Variants in LRFN2 observed in about 807,000 individuals in gnomAD.
LRFN2 encodes the protein leucine rich repeat and fibronectin type III domain containing 2, also known as leucine-rich repeat and fibronectin type-III domain-containing protein 2.
A neutral mutation model predicts 37.3 loss-of-function variants in LRFN2; 18 were observed. That is an observed-to-expected ratio of 0.48 (90% CI 0.33 to 0.72). The LOEUF (loss-of-function observed/expected upper bound fraction) is 0.72, where lower values mean the gene tolerates loss of function less well. Among genes scored for constraint, LRFN2 ranks in the 30% least tolerant of loss-of-function variants. LRFN2 has a pLI of 0.02. For synonymous variants in LRFN2, 556 were observed against 466.6 expected, an observed-to-expected ratio of 1.19 and a Z score of -2.47; for missense variants, 1,006 against 1,060.7, an observed-to-expected ratio of 0.95 and a Z score of 0.72.
At chr6:40,417,103 A>T (rs558388141) in intron 2 of LRFN2, among the ~76,000 whole-genome samples, 115 of 152,246 alleles carry the variant, frequency 7.6e-4, no homozygotes, top group Middle Eastern at 3.4e-3. Flanking sequence ...AAGCCAACCC[A>T]GGAATCTTCA....
intron 2 of LRFN2, among the ~76,000 whole-genome samples, chr6:40,401,608 A>C (rs1383229817): frequency 1.3e-5 from 2 of 152,162 alleles, no homozygotes; most frequent in African/African-American, 4.8e-5. Flanking sequence ...ACAGACACCC[A>C]CAGGTTAGAT....
At chr6:40,460,239 A>G (rs960347560) in intron 1 of LRFN2, among the ~76,000 whole-genome samples, 4 of 152,192 alleles carry the variant, frequency 2.6e-5, no homozygotes, top group East Asian at 3.9e-4. Context: ...TAAGTCAAAC[A>G]TCTGGTTAAT....
intron 1 of LRFN2, among the ~76,000 whole-genome samples, chr6:40,450,190 T>A (rs183110875): frequency 3.2e-4 from 48 of 152,286 alleles, no homozygotes; most frequent in Middle Eastern, 3.4e-3. Context: ...ACCACTGACT[T>A]TGCATCCTTG....
intron 1 of LRFN2, among the ~76,000 whole-genome samples, chr6:40,485,746 T>A (rs539055505): frequency 1.1e-4 from 17 of 152,292 alleles, no homozygotes; most frequent in African/African-American, 3.8e-4. Context: ...TAAGGAAAGC[T>A]GTAGCTCAAG....
chr6:40,452,999 C>T (rs373725214), intron 1 of LRFN2, among the ~76,000 whole-genome samples: 254 of 152,284 alleles, frequency 1.7e-3, no homozygotes, highest in African/African-American at 5.8e-3. Context: ...TGACTCTTTG[C>T]TAGGTGTAAG....
intron 1 of LRFN2, among the ~76,000 whole-genome samples, chr6:40,455,813 A>T (rs1443285388): frequency 1.3e-5 from 2 of 152,198 alleles, no homozygotes; most frequent in Non-Finnish European, 2.9e-5. Context: ...GAAGTTTTGC[A>T]GATGTTATTA....
intron 1 of LRFN2, among the ~76,000 whole-genome samples, chr6:40,481,462 GAAAGAAAAGAAA>G (rs1398868581): frequency 3.4e-5 from 5 of 147,486 alleles, no homozygotes; most frequent in Admixed American, 3.4e-4. Flanking sequence ...AAAAAAGAGA[GAAAGAAAAGAAA>G]AAAGAAAACC....
intron 1 of LRFN2, among the ~76,000 whole-genome samples, chr6:40,467,167 GAT>G (rs1764488521): frequency 5.2e-4 from 2 of 3,820 alleles, no homozygotes; most frequent in Non-Finnish European, 8.1e-3. Context: ...AGTTGAATGA[GAT>G]GATGATGATG....
rs1763494611 is a variant in LRFN2, at chr6:40,431,857, T to C, written c.1257A>G (p.Lys419=). ...CAAGCACAGCCCGTTCCGGGGGGCT[T>C]TTGGGAGGCTCTCCGCCCCCACTGC... The part of the protein sequence containing the change: ...GGGSGGGEPP[K]SPPERAVLVS... Residue 419 remains lysine, a synonymous_variant, in exon 2 of 3, where the codon AAA becomes AAG. Transcript: ENST00000338305. 6 of 1,590,524 alleles carry C rather than the reference T, an allele frequency of 3.8e-6. No homozygotes were observed. Among genetic ancestry groups the C allele is most frequent in the South Asian group, 1.2e-5 (1 of 86,876 alleles).
intron 1 of LRFN2, among the ~76,000 whole-genome samples, chr6:40,568,752 G>A (rs1053206891): frequency 1.5e-5 from 2 of 136,188 alleles, no homozygotes; most frequent in Admixed American, 7.4e-5. Context: ...ACGGAGTTTC[G>A]CTCTTGTTGC....
Position 40,486,367 on chromosome 6 carries a change from C to G in LRFN2, c.-18-53236G>C, listed in dbSNP as rs192124494. Among the ~76,000 whole-genome samples, 13 of 152,330 alleles carry G rather than the reference C, an allele frequency of 8.5e-5. No homozygotes were observed. In the East Asian group the frequency reaches 2.5e-3, roughly 29 times the overall value. ...TGGGCTAATGAGTTTCCATTCCTGACTGTGCAATAAGAGCTGGATGCATCT... is the reference window on the plus strand; with the variant it reads ...TGGGCTAATGAGTTTCCATTCCTGAGTGTGCAATAAGAGCTGGATGCATCT... On this transcript the variant is annotated intron_variant, in intron 1 of 2. Coordinates refer to ENST00000338305, the MANE Select transcript of LRFN2 (RefSeq NM_020737.3).
At chr6:40,469,163 G>T (rs1451981206) in intron 1 of LRFN2, among the ~76,000 whole-genome samples, 1 of 152,140 alleles carries the variant, frequency 6.6e-6, no homozygotes, top group Non-Finnish European at 1.5e-5. Flanking sequence ...TGATGACCGA[G>T]GCAGGGGTTG....
intron 1 of LRFN2, among the ~76,000 whole-genome samples, chr6:40,486,078 T>A (rs1157300669): frequency 2.0e-5 from 3 of 152,162 alleles, no homozygotes; most frequent in Admixed American, 6.5e-5. Context: ...AGAGTACCCA[T>A]CAGTCATTGT....
intron 2 of LRFN2, among the ~76,000 whole-genome samples, chr6:40,397,605 C>T (rs1310811251): frequency 2.6e-5 from 4 of 152,214 alleles, no homozygotes; most frequent in African/African-American, 9.7e-5. Flanking sequence ...TCTGACGCTG[C>T]CCACATTCTC....
chr6:40,519,297 T>G (rs1417614106), intron 1 of LRFN2, among the ~76,000 whole-genome samples: 3 of 152,208 alleles, frequency 2.0e-5, no homozygotes, highest in Non-Finnish European at 4.4e-5. Context: ...GTGGAATGAC[T>G]GGTCTATATT....
At chr6:40,434,851 C>T (rs984938584) in intron 1 of LRFN2, among the ~76,000 whole-genome samples, 1 of 151,592 alleles carries the variant, frequency 6.6e-6, no homozygotes, top group Non-Finnish European at 1.5e-5. Context: ...GGTGGGGAAG[C>T]ATTGCCTACT....
intron 1 of LRFN2, among the ~76,000 whole-genome samples, chr6:40,478,634 G>T (rs1323346456): frequency 2.0e-5 from 3 of 152,212 alleles, no homozygotes; most frequent in African/African-American, 7.2e-5. Flanking sequence ...GAATTAACCT[G>T]CTGAGTACCC....
At chr6:40,459,056 G>T (rs555848890) in intron 1 of LRFN2, among the ~76,000 whole-genome samples, 1 of 152,172 alleles carries the variant, frequency 6.6e-6, no homozygotes, top group Non-Finnish European at 1.5e-5. Context: ...TATTTCATAC[G>T]TGGTTTCCAA....
intron 1 of LRFN2, among the ~76,000 whole-genome samples, chr6:40,531,213 A>T (rs1437538557): frequency 1.3e-5 from 2 of 152,158 alleles, no homozygotes; most frequent in Non-Finnish European, 2.9e-5. Flanking sequence ...GAATCCTACA[A>T]TATTTAGTCT....
Sources: allele counts gnomAD v4.1 joint callset (sites outside exome capture counted in the v4.1 genomes callset), GRCh38; gene constraint gnomAD v4.1.1; transcripts MANE v1.5; gene names NCBI Gene and HGNC (gene_info 2026-07-23, HGNC 2026-07-21).